The following NR6A1 variants were observed in gnomAD, a reference collection of about 807,000 sequenced individuals.
The protein encoded by NR6A1 is retinoic acid receptor-related testis-associated receptor.
A neutral mutation model predicts 59.1 loss-of-function variants in NR6A1; 7 were observed. The observed-to-expected ratio is 0.12, with a 90% CI of 0.07 to 0.22. The LOEUF is 0.22. Ranked by LOEUF, NR6A1 falls within the 10% of genes least tolerant of loss-of-function variation. The pLI is 1.00. For synonymous variants in NR6A1, 243 were observed against 236.1 expected (o/e 1.03, Z -0.27); for missense variants, 468 against 611.6 (o/e 0.77, Z 2.48).
chr9:124,598,220 C>G (rs1053942857), intron 2 of NR6A1, among the ~76,000 whole-genome samples: 3 of 151,882 alleles, frequency 2.0e-5, no homozygotes, highest in Non-Finnish European at 4.4e-5. Flanking sequence ...ACCAGTAGTC[C>G]CAGCTGTTCA....
chr9:124,690,268 T>G (rs765088196), intron 2 of NR6A1, among the ~76,000 whole-genome samples: 1 of 152,166 alleles, frequency 6.6e-6, no homozygotes, highest in African/African-American at 2.4e-5. Context: ...TCCAGATACA[T>G]TGTTTTATTG....
intron 7 of NR6A1, among the ~76,000 whole-genome samples, chr9:124,528,224 G>C (rs752303973): frequency 3.3e-5 from 5 of 152,144 alleles, no homozygotes; most frequent in Non-Finnish European, 7.4e-5. Flanking sequence ...TCTTGCTTGG[G>C]GAAAGCCTGG....
At chr9:124,736,628 G>T (rs1156342377) in intron 1 of NR6A1, among the ~76,000 whole-genome samples, 3 of 152,134 alleles carry the variant, frequency 2.0e-5, no homozygotes, top group African/African-American at 7.2e-5. Context: ...AGGATCGCTT[G>T]AGCCCAGGAG....
At chr9:124,586,630 G>A (rs571737996) in intron 2 of NR6A1, among the ~76,000 whole-genome samples, 1 of 152,092 alleles carries the variant, frequency 6.6e-6, no homozygotes, top group Admixed American at 6.5e-5. Context: ...TAAAATTTCA[G>A]TAGAGACGAG....
chr9:124,678,501 A>C (rs1393423377), intron 2 of NR6A1, among the ~76,000 whole-genome samples: 1 of 152,200 alleles, frequency 6.6e-6, no homozygotes, highest in Non-Finnish European at 1.5e-5. Flanking sequence ...AGAAGATGTA[A>C]GTGTAATAAC....
chr9:124,756,364 G>C (rs1840630415), intron 1 of NR6A1, among the ~76,000 whole-genome samples: 1 of 152,176 alleles, frequency 6.6e-6, no homozygotes, highest in Non-Finnish European at 1.5e-5. Context: ...ACAAGTTTCT[G>C]ATCACCAGTG....
chr9:124,654,326 A>C (rs1469501121), intron 2 of NR6A1, among the ~76,000 whole-genome samples: 2 of 152,138 alleles, frequency 1.3e-5, no homozygotes, highest in African/African-American at 4.8e-5. Flanking sequence ...CCAATGTCCT[A>C]CTATTTGGGG....
rs771988227 is a variant in NR6A1 at position 124,522,803 on chromosome 9, A to AG, written c.1355-11dup. The AG allele has an allele frequency of 5.1e-6, 8 of 1,571,056 alleles. No homozygotes were observed. The highest frequency in any genetic ancestry group is 2.7e-5 in the African/African-American group (2 of 73,932). On this transcript the variant is annotated splice_polypyrimidine_tract_variant and intron_variant, in intron 9 of 9. Coordinates refer to ENST00000487099, the MANE Select transcript of NR6A1 (RefSeq NM_033334.4). The stretch of plus-strand genomic sequence containing the variant: ...ACATTCACCATCTTTCCTGGGAACA[A>AG]GGGGGGAGAAGAAGAGTTAGCAGTG...
At chr9:124,554,594 C>T in intron 2 of NR6A1, 24 bp from the exon 3 acceptor site, 13 of 1,613,692 alleles carry the variant, frequency 8.1e-6, no homozygotes, top group Non-Finnish European at 1.0e-5. Context: ...AGTTAGAACA[C>T]AGTGGAAATA....
intron 2 of NR6A1, among the ~76,000 whole-genome samples, chr9:124,726,264 C>T (rs1839715116): frequency 6.6e-6 from 1 of 152,136 alleles, no homozygotes; most frequent in South Asian, 2.1e-4. Flanking sequence ...AAAATGTCCC[C>T]TAAAATCCTT....
chr9:124,652,014 A>G (rs980342709), intron 2 of NR6A1, among the ~76,000 whole-genome samples: 3 of 152,228 alleles, frequency 2.0e-5, no homozygotes, highest in Admixed American at 2.0e-4. Flanking sequence ...AAAGGAAAAA[A>G]ACAAACAAAT....
chr9:124,555,562 G>C (rs186655612), intron 2 of NR6A1, among the ~76,000 whole-genome samples: 1 of 152,330 alleles, frequency 6.6e-6, no homozygotes, highest in East Asian at 1.9e-4. Context: ...GCTGCAGTGA[G>C]CTATGATTGC....
At chr9:124,559,288 T>A (rs1834013741) in intron 2 of NR6A1, among the ~76,000 whole-genome samples, 1 of 152,184 alleles carries the variant, frequency 6.6e-6, no homozygotes, top group Non-Finnish European at 1.5e-5. Flanking sequence ...CTTGCACATC[T>A]CTAGTGACTC....
chr9:124,765,773 A>C (rs1028783296), intron 1 of NR6A1, among the ~76,000 whole-genome samples: 2 of 151,974 alleles, frequency 1.3e-5, no homozygotes, highest in African/African-American at 4.8e-5. Context: ...TTTTTTTGAG[A>C]AGCTTTTCTA....
chr9:124,760,116 A>T lies in NR6A1; in HGVS notation c.100+10904T>A, dbSNP rs1588860963. ...CACCTGAGATCACAAGTTCGAGACCAGCCTGGCCAACATGGTGAAATCTCG... is the reference window on the plus strand; with the variant it reads ...CACCTGAGATCACAAGTTCGAGACCTGCCTGGCCAACATGGTGAAATCTCG... On this transcript the variant is annotated intron_variant, in intron 1 of 9. Coordinates refer to ENST00000487099, the MANE Select transcript of NR6A1 (RefSeq NM_033334.4). Among the ~76,000 whole-genome samples the T allele has an allele frequency of 5.9e-5, 9 of 151,694 alleles. No individual in the cohort carries two copies. The South Asian group carries it at 1.9e-3, about 32-fold the overall frequency.
chr9:124,584,744 C>T (rs1834873917), intron 2 of NR6A1, among the ~76,000 whole-genome samples: 1 of 152,100 alleles, frequency 6.6e-6, no homozygotes, highest in African/African-American at 2.4e-5. Context: ...TCTCTGAAAC[C>T]CAACAACATT....
intron 2 of NR6A1, among the ~76,000 whole-genome samples, chr9:124,597,100 T>C (rs1293712403): frequency 6.6e-6 from 1 of 152,142 alleles, no homozygotes; most frequent in Non-Finnish European, 1.5e-5. Flanking sequence ...GCTACTACCA[T>C]TACTAGAGGG....
At chr9:124,770,020 G>A (rs1002811823) in intron 1 of NR6A1, 2 of 152,340 alleles carry the variant, frequency 1.3e-5, no homozygotes, top group South Asian at 4.1e-4. Flanking sequence ...AGGAAGCCCC[G>A]AGGAACCTGA....
chr9:124,674,223 G>A (rs1837884893), intron 2 of NR6A1, among the ~76,000 whole-genome samples: 2 of 152,130 alleles, frequency 1.3e-5, no homozygotes, highest in South Asian at 4.1e-4. Flanking sequence ...CCTTAAGATT[G>A]AAAAGAAGTA....
Sources: allele counts gnomAD v4.1 joint callset (sites outside exome capture counted in the v4.1 genomes callset), GRCh38; gene constraint gnomAD v4.1.1; transcripts MANE v1.5; gene names NCBI Gene and HGNC (gene_info 2026-07-23, HGNC 2026-07-21).